PRKCE: variants seen among roughly 807,000 people sequenced by gnomAD.
PRKCE encodes protein kinase C epsilon type.
Under a neutral mutation model 85.4 loss-of-function variants are expected in PRKCE, and 16 were observed. The observed-to-expected ratio is 0.19, with a 90% CI of 0.13 to 0.28. The LOEUF (loss-of-function observed/expected upper bound fraction) is 0.28. Among genes scored for constraint, PRKCE ranks in the 10% least tolerant of loss-of-function variants. The probability of loss-of-function intolerance (pLI) is 1.00; values close to 1 mark genes in which losing one functional copy is unlikely to be tolerated. For synonymous variants in PRKCE, 388 were observed against 371.5 expected, an observed-to-expected ratio of 1.04 and a Z score of -0.51; for missense variants, 573 against 975.2, an observed-to-expected ratio of 0.59 and a Z score of 5.49.
chr2:45,998,589 T>G (rs1009342311), intron 6 of PRKCE, among the ~76,000 whole-genome samples: 1 of 151,900 alleles, frequency 6.6e-6, no homozygotes, highest in Non-Finnish European at 1.5e-5. Flanking sequence ...TTGGGTCTTG[T>G]TTTTTTTGAT....
At chr2:45,924,923 C>T (rs375391955) in intron 2 of PRKCE, among the ~76,000 whole-genome samples, 4 of 152,248 alleles carry the variant, frequency 2.6e-5, no homozygotes, top group Admixed American at 6.5e-5. Context: ...CCTTGGTGCT[C>T]ATCAGTGAGC....
At chr2:46,117,592 C>A (rs148317684) in intron 11 of PRKCE, among the ~76,000 whole-genome samples, 1 of 152,270 alleles carries the variant, frequency 6.6e-6, no homozygotes, top group African/African-American at 2.4e-5. Flanking sequence ...GTCAGACACT[C>A]CTGGGATGGG....
chr2:46,070,750 A>C (rs1251878101), intron 10 of PRKCE, among the ~76,000 whole-genome samples: 1 of 152,218 alleles, frequency 6.6e-6, no homozygotes, highest in Non-Finnish European at 1.5e-5. Flanking sequence ...GCTTTGGGAC[A>C]GACACGGGGT....
At chr2:45,949,462 A>G (rs1366918755) in intron 2 of PRKCE, among the ~76,000 whole-genome samples, 2 of 91,892 alleles carry the variant, frequency 2.2e-5, no homozygotes, top group African/African-American at 8.6e-5. Context: ...AGTTTTTAAT[A>G]TACATTGAAC....
intron 2 of PRKCE, among the ~76,000 whole-genome samples, chr2:45,958,419 G>C (rs1383152548): frequency 1.3e-5 from 2 of 149,808 alleles, no homozygotes; most frequent in Non-Finnish European, 3.0e-5. Flanking sequence ...TGAGGCAGGA[G>C]AATGGCATGA....
chr2:46,087,446 G>T (rs750297426), intron 11 of PRKCE, among the ~76,000 whole-genome samples: 27 of 152,112 alleles, frequency 1.8e-4, no homozygotes, highest in Non-Finnish European at 2.4e-4. Flanking sequence ...CCTGCTCCTG[G>T]GAGCAGTGCC....
chr2:45,655,993 C>T (rs983292893), intron 1 of PRKCE, among the ~76,000 whole-genome samples: 2 of 151,968 alleles, frequency 1.3e-5, no homozygotes, highest in African/African-American at 4.8e-5. Context: ...GCATGGCCAC[C>T]GCAGGAATAA....
At chr2:46,169,016 C>T (rs1047052478) in intron 14 of PRKCE, among the ~76,000 whole-genome samples, 10 of 152,214 alleles carry the variant, frequency 6.6e-5, no homozygotes, top group African/African-American at 1.9e-4. Context: ...AGAGCCTCAA[C>T]CCTCCCTCAC....
chr2:46,120,022 G>C (rs1232233905), intron 11 of PRKCE, among the ~76,000 whole-genome samples: 1 of 152,118 alleles, frequency 6.6e-6, no homozygotes, highest in Non-Finnish European at 1.5e-5. Context: ...TGTCTGTTAA[G>C]CCCTGGGGCT....
chr2:46,129,091 C>T (rs556056861), intron 11 of PRKCE, among the ~76,000 whole-genome samples: 2 of 152,318 alleles, frequency 1.3e-5, no homozygotes, highest in Admixed American at 6.5e-5. Context: ...CGTGCACCCT[C>T]TCTAGGTCTC....
chr2:45,701,868 TC>T (rs1286547879), intron 1 of PRKCE, among the ~76,000 whole-genome samples: 3 of 152,178 alleles, frequency 2.0e-5, no homozygotes, highest in African/African-American at 7.2e-5. Context: ...TCTCTTAGTA[TC>T]TGAAATTTAG....
At chr2:45,879,680 C>A (rs746202915) in intron 2 of PRKCE, among the ~76,000 whole-genome samples, 1 of 152,234 alleles carries the variant, frequency 6.6e-6, no homozygotes, top group Non-Finnish European at 1.5e-5. Flanking sequence ...CCTGCTCCCC[C>A]TCCCACGAGG....
intron 6 of PRKCE, 103 bp downstream of exon 6, chr2:45,984,783 G>T: frequency 6.7e-7 from 1 of 1,485,702 alleles, no homozygotes; most frequent in Non-Finnish European, 9.0e-7. Context: ...TCCAGATTTG[G>T]CCAAGAACTG....
At chr2:45,957,736 C>T (rs760691897) in intron 2 of PRKCE, among the ~76,000 whole-genome samples, 1 of 151,956 alleles carries the variant, frequency 6.6e-6, no homozygotes, top group African/African-American at 2.4e-5. Flanking sequence ...TATAGCAAGA[C>T]CCCACCTCTG....
At chr2:46,095,422 T>A (rs1338943433) in intron 11 of PRKCE, among the ~76,000 whole-genome samples, 5 of 152,200 alleles carry the variant, frequency 3.3e-5, no homozygotes, top group African/African-American at 9.7e-5. Context: ...AGTCTAGAGA[T>A]CCTGTTTCAC....
chr2:46,106,985 T>C (rs139911347), intron 11 of PRKCE, among the ~76,000 whole-genome samples: 4 of 152,374 alleles, frequency 2.6e-5, no homozygotes, highest in African/African-American at 9.6e-5. Context: ...ATCTGGGATT[T>C]CTCAGCTTCC....
Position 45,979,022 on chromosome 2 carries a change from T to C in PRKCE, c.607+12T>C. 6.3e-7 allele frequency: 1 copy of C among 1,598,542 alleles called. No homozygotes were observed. The highest frequency in any genetic ancestry group is 1.1e-5 in the South Asian group (1 of 90,986). ...ATACCAGTGTCAAGGTAAGAGGCAT[T>C]TATGAATTAAATCTTCAGAGGCCCG... On this transcript the variant is annotated intron_variant, in intron 4 of 14. Coordinates refer to ENST00000306156, the MANE Select transcript of PRKCE (RefSeq NM_005400.3).
chr2:46,069,684 T>G (rs1335098989), intron 10 of PRKCE, among the ~76,000 whole-genome samples: 2 of 152,196 alleles, frequency 1.3e-5, no homozygotes, highest in Non-Finnish European at 2.9e-5. Context: ...ATAGCATCAC[T>G]GTTATAATAA....
intron 1 of PRKCE, among the ~76,000 whole-genome samples, chr2:45,788,103 A>G (rs1686754047): frequency 6.6e-6 from 1 of 152,224 alleles, no homozygotes; most frequent in African/African-American, 2.4e-5. Context: ...TTCCTGGTCA[A>G]GCCGAAACTT....
Sources: gnomAD v4.1 joint callset for allele counts (sites outside exome capture counted in the v4.1 genomes callset) on GRCh38, gnomAD v4.1.1 for gene constraint, MANE v1.5 for transcripts, NCBI Gene and HGNC (gene_info 2026-07-23, HGNC 2026-07-21) for gene names.